The following CNTNAP5 variants were observed in gnomAD, a reference collection of about 807,000 sequenced individuals.
CNTNAP5 encodes the protein contactin associated protein family member 5.
A neutral mutation model predicts 150.2 loss-of-function variants in CNTNAP5; 72 were observed. The observed-to-expected ratio is 0.48, with a 90% CI of 0.40 to 0.58. CNTNAP5 has a LOEUF of 0.58. Ranked by LOEUF, CNTNAP5 falls within the 20% of genes least tolerant of loss-of-function variation. CNTNAP5 has a pLI of 0.00. For synonymous variants in CNTNAP5, 672 were observed against 619.8 expected, an observed-to-expected ratio of 1.08 and a Z score of -1.25; for missense variants, 1,636 against 1,626.2, an observed-to-expected ratio of 1.01 and a Z score of -0.10.
At chr2:124,776,826 C>T (rs777142550) in intron 17 of CNTNAP5, among the ~76,000 whole-genome samples, 9 of 151,938 alleles carry the variant, frequency 5.9e-5, no homozygotes, top group South Asian at 2.1e-4. Context: ...ATGACATCAA[C>T]GGTGAAACAA....
chr2:124,234,676 G>A (rs1686702988), intron 2 of CNTNAP5, among the ~76,000 whole-genome samples: 1 of 152,014 alleles, frequency 6.6e-6, no homozygotes, highest in Admixed American at 6.6e-5. Context: ...CTGCCCTCCT[G>A]CCAAACCCCC....
At chr2:124,393,646 AG>A (rs1691174486) in intron 3 of CNTNAP5, among the ~76,000 whole-genome samples, 1 of 152,194 alleles carries the variant, frequency 6.6e-6, no homozygotes, top group African/African-American at 2.4e-5. Context: ...CTGTCCTCAC[AG>A]GGTGCTTTAG....
At chr2:124,348,077 G>A (rs976952065) in intron 3 of CNTNAP5, among the ~76,000 whole-genome samples, 7 of 152,104 alleles carry the variant, frequency 4.6e-5, no homozygotes, top group Admixed American at 4.6e-4. Flanking sequence ...TGAGCCGCCC[G>A]CGTCGGCCTC....
At chr2:124,236,340 C>T (rs1401979297) in intron 2 of CNTNAP5, among the ~76,000 whole-genome samples, 3 of 152,158 alleles carry the variant, frequency 2.0e-5, no homozygotes, top group African/African-American at 7.2e-5. Flanking sequence ...CTGGACCAGG[C>T]TGCAACACCT....
At chr2:124,475,841 T>C (rs1441937051) in intron 7 of CNTNAP5, among the ~76,000 whole-genome samples, 1 of 152,122 alleles carries the variant, frequency 6.6e-6, no homozygotes, top group African/African-American at 2.4e-5. Flanking sequence ...ATTCATGCTT[T>C]CAATTTCTGT....
intron 3 of CNTNAP5, among the ~76,000 whole-genome samples, chr2:124,377,886 A>T (rs989891430): frequency 6.6e-6 from 1 of 152,030 alleles, no homozygotes; most frequent in Non-Finnish European, 1.5e-5. Flanking sequence ...TTTCACATCC[A>T]CCCTGTAAAT....
intron 3 of CNTNAP5, among the ~76,000 whole-genome samples, chr2:124,281,848 AACAGCAATCTCTTTCTGT>A: frequency 1.3e-5 from 2 of 152,322 alleles, no homozygotes; most frequent in East Asian, 3.9e-4. Flanking sequence ...GCTCAGGCCG[AACAGCAATCTCTTTCTGT>A]AACTAACCCA....
intron 19 of CNTNAP5, among the ~76,000 whole-genome samples, chr2:124,831,554 A>G (rs1342376675): frequency 2.0e-5 from 3 of 150,538 alleles, no homozygotes; most frequent in South Asian, 4.1e-4. Flanking sequence ...ATATAATTAT[A>G]TATTAAAATA....
intron 13 of CNTNAP5, among the ~76,000 whole-genome samples, chr2:124,741,591 T>A (rs1026329163): frequency 6.8e-6 from 1 of 146,832 alleles, no homozygotes; most frequent in Non-Finnish European, 1.5e-5. Context: ...CTATAAAACA[T>A]ATATATTTTC....
At chr2:124,641,114 G>A (rs1466466496) in intron 12 of CNTNAP5, among the ~76,000 whole-genome samples, 1 of 102,894 alleles carries the variant, frequency 9.7e-6, no homozygotes. Flanking sequence ...CAACAAGAGC[G>A]AAACTCCATC....
rs186034907 is a variant in CNTNAP5, at chr2:124,364,529, G to T, written c.382-52914G>T. Among the ~76,000 whole-genome samples, 71 of 152,048 alleles carry T rather than the reference G, an allele frequency of 4.7e-4. 1 individual carries two copies. Among genetic ancestry groups the T allele is most frequent in the Admixed American group, 4.1e-3 (63 of 15,266 alleles). On this transcript the variant is annotated intron_variant, in intron 3 of 23. Transcript: ENST00000682447. The stretch of plus-strand genomic sequence containing the variant: ...CTGCTAGTCATATAAGCTCCAGGAG[G>T]GCATAAATCTTTTCCCAATGTATAC...
At chr2:124,391,945 G>T (rs925804647) in intron 3 of CNTNAP5, among the ~76,000 whole-genome samples, 1 of 151,690 alleles carries the variant, frequency 6.6e-6, no homozygotes, top group Non-Finnish European at 1.5e-5. Flanking sequence ...GACAGAGCGA[G>T]ACTCCGTCCC....
At chr2:124,800,888 G>A (rs1488122936) in intron 19 of CNTNAP5, among the ~76,000 whole-genome samples, 1 of 152,136 alleles carries the variant, frequency 6.6e-6, no homozygotes, top group Non-Finnish European at 1.5e-5. Flanking sequence ...ACAGTCCTCA[G>A]GAGGTCCTGA....
At chr2:124,802,034 T>A (rs929014891) in intron 19 of CNTNAP5, among the ~76,000 whole-genome samples, 1 of 152,152 alleles carries the variant, frequency 6.6e-6, no homozygotes, top group Non-Finnish European at 1.5e-5. Context: ...GAAGATAGCC[T>A]TGGGAATCTG....
intron 12 of CNTNAP5, among the ~76,000 whole-genome samples, chr2:124,643,309 G>A (rs574813719): frequency 6.6e-6 from 1 of 152,272 alleles, no homozygotes; most frequent in African/African-American, 2.4e-5. Flanking sequence ...TTGGGTAGTG[G>A]TGTGCAGTAG....
chr2:124,542,137 A>T (rs1011017290), intron 10 of CNTNAP5, among the ~76,000 whole-genome samples: 5 of 151,734 alleles, frequency 3.3e-5, no homozygotes, highest in African/African-American at 1.2e-4. Flanking sequence ...GACCTCCAGC[A>T]CATGATGGAG....
At chr2:124,129,089 C>G (rs899478889) in intron 1 of CNTNAP5, among the ~76,000 whole-genome samples, 1 of 147,966 alleles carries the variant, frequency 6.8e-6, no homozygotes, top group Non-Finnish European at 1.5e-5. Flanking sequence ...AAAAAATACC[C>G]ATCAGAACAG....
chr2:124,548,156 CTT>C (rs1199292374), intron 10 of CNTNAP5, among the ~76,000 whole-genome samples: 6 of 152,168 alleles, frequency 3.9e-5, no homozygotes, highest in Admixed American at 3.3e-4. Flanking sequence ...GTGTTTTCCT[CTT>C]TGTTTGTGTT....
intron 19 of CNTNAP5, among the ~76,000 whole-genome samples, chr2:124,832,863 T>A (rs1682745298): frequency 6.6e-6 from 1 of 152,040 alleles, no homozygotes; most frequent in Admixed American, 6.6e-5. Flanking sequence ...AGTTGCGAAT[T>A]TTTTGAGTAA....
Sources: allele counts gnomAD v4.1 joint callset (sites outside exome capture counted in the v4.1 genomes callset), GRCh38; gene constraint gnomAD v4.1.1; transcripts MANE v1.5; gene names NCBI Gene and HGNC (gene_info 2026-07-23, HGNC 2026-07-21).